Variants in WDR93 observed in about 807,000 individuals in gnomAD.
The protein encoded by WDR93 is WD repeat-containing protein 93.
Under a neutral mutation model 82.9 loss-of-function variants are expected in WDR93, and 73 were observed. That is an observed-to-expected ratio of 0.88 (90% CI 0.73 to 1.07). The LOEUF is 1.07. WDR93 is among the 50% of genes least tolerant of loss of function. The pLI, the probability that WDR93 is intolerant of heterozygous loss-of-function variation, is 0.00. For synonymous variants in WDR93, 283 were observed against 300.1 expected (o/e 0.94, Z 0.59); for missense variants, 738 against 826.0 (o/e 0.89, Z 1.31).
At chr15:89,732,157 G>A (rs1000695799) in intron 12 of WDR93, among the ~76,000 whole-genome samples, 1 of 152,120 alleles carries the variant, frequency 6.6e-6, no homozygotes, top group Non-Finnish European at 1.5e-5. Context: ...CCCTCTAACC[G>A]GACTTTGTTA....
intron 4 of WDR93, among the ~76,000 whole-genome samples, chr15:89,706,442 G>C (rs1363673755): frequency 6.6e-6 from 1 of 151,892 alleles, no homozygotes; most frequent in South Asian, 2.1e-4. Flanking sequence ...ACAGGTGTGA[G>C]TCATAGTAGA....
intron 16 of WDR93, among the ~76,000 whole-genome samples, chr15:89,740,867 C>T (rs146926584): frequency 0.021 from 3,208 of 151,562 alleles, 121 homozygotes; most frequent in African/African-American, 0.074. Context: ...TGGCCGGGCG[C>T]GGTGGCTCAC....
chr15:89,729,216 G>A (rs985687786), intron 10 of WDR93, 123 bp downstream of exon 10: 5 of 923,646 alleles, frequency 5.4e-6, no homozygotes, highest in Non-Finnish European at 5.2e-6. Flanking sequence ...GAAGAGGGGA[G>A]TTTGGTTGCC....
chr15:89,691,927 A>G (rs1419883781), intron 1 of WDR93, among the ~76,000 whole-genome samples: 4 of 152,152 alleles, frequency 2.6e-5, no homozygotes, highest in Admixed American at 6.5e-5. Flanking sequence ...AGACCCTCAT[A>G]ATGATGTAGA....
chr15:89,700,351 C>T (rs1965393651), intron 1 of WDR93, among the ~76,000 whole-genome samples: 1 of 152,014 alleles, frequency 6.6e-6, no homozygotes, highest in Admixed American at 6.5e-5. Flanking sequence ...ACATTGAAAG[C>T]ATCACAGATG....
chr15:89,699,035 T>C (rs11639409), intron 1 of WDR93, among the ~76,000 whole-genome samples: 1 of 151,832 alleles, frequency 6.6e-6, no homozygotes, highest in African/African-American at 2.4e-5. Flanking sequence ...TTAAAAAAAA[T>C]TTTTTTTATA....
At chr15:89,739,684 G>T (rs1015189888) in intron 16 of WDR93, among the ~76,000 whole-genome samples, 4 of 152,102 alleles carry the variant, frequency 2.6e-5, no homozygotes, top group Non-Finnish European at 5.9e-5. Flanking sequence ...CCTCGTCCCG[G>T]GCCTGCCACT....
chr15:89,716,319 T>A (rs1045295247), intron 6 of WDR93, among the ~76,000 whole-genome samples: 204 of 152,362 alleles, frequency 1.3e-3, no homozygotes, highest in African/African-American at 4.6e-3. Context: ...CAATGGATAA[T>A]AAATTTCTAG....
At chr15:89,743,237 C>G (rs1240800860) in intron 16 of WDR93, 55 bp from the exon 17 acceptor site, 4 of 1,588,768 alleles carry the variant, frequency 2.5e-6, no homozygotes, top group Non-Finnish European at 2.6e-6. Flanking sequence ...CCTGGGGGCT[C>G]GGGAGCTGGG....
At chr15:89,700,422 C>A (rs572352257) in intron 1 of WDR93, among the ~76,000 whole-genome samples, 1 of 152,186 alleles carries the variant, frequency 6.6e-6, no homozygotes, top group East Asian at 1.9e-4. Flanking sequence ...CTTCATGGAC[C>A]CTAGGCACTC....
At chr15:89,707,650 C>A (rs767070192) in intron 4 of WDR93, among the ~76,000 whole-genome samples, 4 of 151,994 alleles carry the variant, frequency 2.6e-5, no homozygotes, top group Admixed American at 1.3e-4. Flanking sequence ...AACACCATAC[C>A]AAGTGTTGGC....
At chr15:89,741,374 T>C (rs1311877225) in intron 16 of WDR93, among the ~76,000 whole-genome samples, 1 of 152,018 alleles carries the variant, frequency 6.6e-6, no homozygotes, top group Non-Finnish European at 1.5e-5. Flanking sequence ...GCCACAGGCA[T>C]GCGCCACCAC....
chr15:89,731,483 C>T lies in WDR93; in HGVS notation c.1251C>T (p.Val417=). Residue 417 remains valine (V), a synonymous_variant, in exon 12 of 17, where the codon GTC becomes GTT. Transcript: ENST00000268130. Reference sequence around the variant, plus strand: ...GGCCCTGTGCTGCGCCCATTGCAGTCTCTCAGCTCAGCTGCTCCTCCTCCT... The same window carrying T: ...GGCCCTGTGCTGCGCCCATTGCAGTTTCTCAGCTCAGCTGCTCCTCCTCCT... The part of the protein sequence containing the change: ...GVWPCAAPIA[V]SQLSCSSSYL... 1 of 1,614,206 alleles carries T rather than the reference C, an allele frequency of 6.2e-7. No homozygotes were observed. The highest frequency in any genetic ancestry group is 8.5e-7 in the Non-Finnish European group (1 of 1,180,028).
rs200457376 is a variant in WDR93 at position 89,737,600 on chromosome 15, G to A, written c.1636G>A (p.Val546Met). Residue 546 changes from valine to methionine, a missense_variant, in exon 15 of 17, where the codon GTG becomes ATG. Coordinates refer to ENST00000268130, the MANE Select transcript of WDR93 (RefSeq NM_020212.2). ...GCTCATCTTTTCCAAGAATGGCTCT[G>A]TGTGCCTTATGGATGTGGCCAAGCG... ...MVLIFSKNGS[V>M]CLMDVAKREI... 31 of 1,614,086 alleles carry A rather than the reference G, an allele frequency of 1.9e-5. No homozygotes were observed. Among genetic ancestry groups the A allele is most frequent in the Non-Finnish European group, 2.0e-5 (24 of 1,180,038 alleles).
At chr15:89,725,814 G>C (rs575318032) in intron 8 of WDR93, among the ~76,000 whole-genome samples, 2 of 152,142 alleles carry the variant, frequency 1.3e-5, no homozygotes, top group South Asian at 4.2e-4. Flanking sequence ...CTCCTGCCTT[G>C]GCCTTCCAAA....
At chr15:89,702,298 T>C (rs748399104) in intron 2 of WDR93, among the ~76,000 whole-genome samples, 3 of 152,222 alleles carry the variant, frequency 2.0e-5, no homozygotes, top group Non-Finnish European at 4.4e-5. Flanking sequence ...ATCTTCTTAA[T>C]GTATTAATCT....
At position 89,723,199 on chromosome 15, in the gene WDR93, C is replaced by CATAAATAAATAA. The variant is rs60829285; in HGVS notation, c.880+1091_880+1102dup. ...CTGGGAGATGGGAGTGAAACCGCGT[C>CATAAATAAATAA]ATAAATAAATAAATAAATAAATAAA... On this transcript the variant is annotated intron_variant, in intron 8 of 16. Coordinates refer to ENST00000268130, the MANE Select transcript of WDR93 (RefSeq NM_020212.2). 1.7e-3 allele frequency among the ~76,000 whole-genome samples: 249 copies of CATAAATAAATAA among 143,660 alleles called. 1 individual carries two copies. The highest frequency in any genetic ancestry group is 7.1e-3 in the Middle Eastern group (2 of 282). 94.2% of individuals were successfully genotyped at this position (143,660 alleles called of 152,430 possible).
chr15:89,701,484 C>T (rs901865007), intron 1 of WDR93, among the ~76,000 whole-genome samples: 3 of 152,146 alleles, frequency 2.0e-5, no homozygotes, highest in East Asian at 1.9e-4. Flanking sequence ...CTTCTTAGTA[C>T]ACATCATCTA....
intron 4 of WDR93, among the ~76,000 whole-genome samples, chr15:89,706,468 T>G (rs1001318173): frequency 6.6e-6 from 1 of 152,050 alleles, no homozygotes; most frequent in Admixed American, 6.6e-5. Context: ...TTATTATAAT[T>G]TGTCTTCTAA....
Sources: allele counts gnomAD v4.1 joint callset (sites outside exome capture counted in the v4.1 genomes callset), GRCh38; gene constraint gnomAD v4.1.1; transcripts MANE v1.5; gene names NCBI Gene and HGNC (gene_info 2026-07-23, HGNC 2026-07-21).